GALNT17: variants seen among roughly 807,000 people sequenced by gnomAD.
GALNT17 encodes the protein UDP-GalNAc:polypeptide N-acetylgalactosaminyltransferase-like 3.
Under a neutral mutation model 63.7 loss-of-function variants are expected in GALNT17, and 29 were observed. The ratio of observed to expected loss-of-function variants is 0.46; its 90% CI spans 0.34 to 0.62. The LOEUF is 0.62. Ranked by LOEUF, GALNT17 falls within the 20% of genes least tolerant of loss-of-function variation. The pLI is 0.01. For synonymous variants in GALNT17, 305 were observed against 318.3 expected (o/e 0.96, Z 0.45); for missense variants, 603 against 799.6 (o/e 0.75, Z 2.97).
At chr7:71,606,492 T>C (rs1790050460) in intron 6 of GALNT17, among the ~76,000 whole-genome samples, 1 of 152,210 alleles carries the variant, frequency 6.6e-6, no homozygotes, top group Non-Finnish European at 1.5e-5. Flanking sequence ...TTTACTGACC[T>C]GTAATAGCAT....
intron 5 of GALNT17, among the ~76,000 whole-genome samples, chr7:71,470,443 G>C (rs986529016): frequency 6.6e-6 from 1 of 152,100 alleles, no homozygotes; most frequent in African/African-American, 2.4e-5. Context: ...CTTCGGTCAT[G>C]CCTCTTCCCA....
intron 6 of GALNT17, among the ~76,000 whole-genome samples, chr7:71,571,863 AT>A (rs1197343827): frequency 6.6e-6 from 1 of 151,940 alleles, no homozygotes; most frequent in Non-Finnish European, 1.5e-5. Context: ...AAAATAAAAA[AT>A]TAGCCAAGCG....
intron 4 of GALNT17, among the ~76,000 whole-genome samples, chr7:71,420,387 T>TCACA (rs141166051): frequency 1.2e-4 from 18 of 151,328 alleles, no homozygotes; most frequent in Admixed American, 4.6e-4. Context: ...ACTGAAATAA[T>TCACA]CACACACACA....
In GALNT17 at chr7:71,445,791, A is replaced by G. The variant is rs530382930; in HGVS notation, c.962+24686A>G. 5.3e-5 allele frequency among the ~76,000 whole-genome samples: 8 copies of G among 152,206 alleles called. 1 individual carries two copies. In the South Asian group the frequency reaches 1.2e-3, roughly 24 times the overall value. ...GCTTCCCACAGGACCTTGGGCGGGAAGCTGGGCTTTCCCCTGGAGTGCTCC... is the reference window on the plus strand; with the variant it reads ...GCTTCCCACAGGACCTTGGGCGGGAGGCTGGGCTTTCCCCTGGAGTGCTCC... On this transcript the variant is annotated intron_variant, in intron 5 of 10. Coordinates refer to ENST00000333538, the MANE Select transcript of GALNT17 (RefSeq NM_022479.3).
chr7:71,235,054 C>G (rs1314777666), intron 1 of GALNT17, among the ~76,000 whole-genome samples: 1 of 151,996 alleles, frequency 6.6e-6, no homozygotes, highest in Non-Finnish European at 1.5e-5. Flanking sequence ...AGTTTGAGAC[C>G]AGCCTGGGCA....
chr7:71,379,015 A>C (rs1371711289), intron 2 of GALNT17, among the ~76,000 whole-genome samples: 1 of 151,988 alleles, frequency 6.6e-6, no homozygotes, highest in Non-Finnish European at 1.5e-5. Flanking sequence ...AAAAGAAAAA[A>C]AGAAGATGCT....
At chr7:71,278,612 G>A (rs139552267) in intron 1 of GALNT17, among the ~76,000 whole-genome samples, 23 of 152,294 alleles carry the variant, frequency 1.5e-4, no homozygotes, top group African/African-American at 5.1e-4. Context: ...TGCAGGGCTG[G>A]GGAGGCCTCA....
Position 71,670,104 on chromosome 7 carries a change from G to A in GALNT17, c.1399G>A (p.Gly467Arg). The change falls in exon 8 of 11, where the codon GGG becomes AGG. Residue 467 changes from glycine to arginine, a missense_variant. Gly to Arg is a moderately radical substitution (Grantham distance 125). Transcript: ENST00000333538. Reference sequence around the variant, plus strand: ...AAGATACAATAATACCGTTGCTTACGGGGAGGTAATTCAGACCGTGCATGC... The same window carrying A: ...AAGATACAATAATACCGTTGCTTACAGGGAGGTAATTCAGACCGTGCATGC... ...MRRYNNTVAYGELRNNKAKDV... is the reference protein window; with the variant it reads ...MRRYNNTVAYRELRNNKAKDV... 3 of 1,614,022 alleles carry A rather than the reference G, an allele frequency of 1.9e-6. No individual in the cohort carries two copies. Among genetic ancestry groups the A allele is most frequent in the East Asian group, 2.2e-5 (1 of 44,862 alleles).
At chr7:71,390,266 G>T (rs919652928) in intron 3 of GALNT17, among the ~76,000 whole-genome samples, 3 of 152,090 alleles carry the variant, frequency 2.0e-5, no homozygotes, top group African/African-American at 7.2e-5. Context: ...GTTTAAAACC[G>T]GATTATCTTG....
chr7:71,280,893 C>T (rs989429793), intron 1 of GALNT17, among the ~76,000 whole-genome samples: 1 of 152,164 alleles, frequency 6.6e-6, no homozygotes, highest in East Asian at 1.9e-4. Context: ...GTAGTAGGGT[C>T]ACCCTGATCC....
chr7:71,711,653 C>A (rs1473913292), intron 10 of GALNT17, among the ~76,000 whole-genome samples: 2 of 150,414 alleles, frequency 1.3e-5, no homozygotes, highest in Non-Finnish European at 3.0e-5. Flanking sequence ...TTTTCTCTCT[C>A]CCCTTTATCT....
At chr7:71,553,633 A>G (rs1248227743) in intron 5 of GALNT17, among the ~76,000 whole-genome samples, 2 of 152,180 alleles carry the variant, frequency 1.3e-5, no homozygotes, top group Admixed American at 6.5e-5. Flanking sequence ...CCTGTAACAC[A>G]ATTTAAATTT....
intron 2 of GALNT17, among the ~76,000 whole-genome samples, chr7:71,375,054 G>T (rs376632910): frequency 4.6e-5 from 7 of 152,116 alleles, no homozygotes; most frequent in African/African-American, 1.7e-4. Flanking sequence ...TGGCCAGGCT[G>T]GTCTTGAACT....
At chr7:71,380,884 G>A (rs1344919644) in intron 2 of GALNT17, among the ~76,000 whole-genome samples, 1 of 151,990 alleles carries the variant, frequency 6.6e-6, no homozygotes, top group Non-Finnish European at 1.5e-5. Context: ...GAACCACCCA[G>A]AGAGCTTGAT....
At chr7:71,473,399 G>C (rs1329809176) in intron 5 of GALNT17, among the ~76,000 whole-genome samples, 1 of 152,178 alleles carries the variant, frequency 6.6e-6, no homozygotes, top group African/African-American at 2.4e-5. Context: ...CCTCAGAAAA[G>C]ACAGCTTTGC....
chr7:71,679,904 C>CTCTT (rs1791214960), intron 9 of GALNT17, among the ~76,000 whole-genome samples: 1 of 68,756 alleles, frequency 1.5e-5, no homozygotes, highest in African/African-American at 5.7e-5. Flanking sequence ...CTCCCTCCCT[C>CTCTT]CCTCCCTCCT....
At position 71,223,582 on chromosome 7, in the gene GALNT17, G is replaced by A. The variant is rs553562485; in HGVS notation, c.238+90542G>A. ...AAAAACTTTTATTTTAGGTTCAGGG[G>A]TACATGTGAAGGTTTGTTACACAGG... On this transcript the variant is annotated intron_variant, in intron 1 of 10. Transcript: ENST00000333538. Among the ~76,000 whole-genome samples, 4 of 152,040 alleles carry A rather than the reference G, an allele frequency of 2.6e-5. No homozygotes were observed. In the South Asian group the frequency reaches 8.3e-4, roughly 32 times the overall value.
At chr7:71,702,448 C>T (rs1255528570) in intron 9 of GALNT17, among the ~76,000 whole-genome samples, 1 of 152,010 alleles carries the variant, frequency 6.6e-6, no homozygotes, top group Non-Finnish European at 1.5e-5. Context: ...TCTCAGCAAA[C>T]AATATGACAT....
intron 3 of GALNT17, among the ~76,000 whole-genome samples, chr7:71,401,568 C>T (rs1001711611): frequency 1.3e-5 from 2 of 152,144 alleles, no homozygotes; most frequent in African/African-American, 2.4e-5. Flanking sequence ...AGCAAAACTT[C>T]GTCTGTATTT....
Sources: gnomAD v4.1 joint callset for allele counts (sites outside exome capture counted in the v4.1 genomes callset) on GRCh38, gnomAD v4.1.1 for gene constraint, MANE v1.5 for transcripts, NCBI Gene and HGNC (gene_info 2026-07-23, HGNC 2026-07-21) for gene names.